AP4S1: variants seen among roughly 807,000 people sequenced by gnomAD.
The protein encoded by AP4S1 is adaptor related protein complex 4 subunit sigma 1.
A neutral mutation model predicts 19.8 loss-of-function variants in AP4S1; 23 were observed. The ratio of observed to expected loss-of-function variants is 1.16; its 90% CI spans 0.84 to 1.65. The LOEUF is 1.65. Ranked by LOEUF, AP4S1 falls within the 40% of genes most tolerant of loss-of-function variation. The pLI is 0.00. For synonymous variants in AP4S1, 46 were observed against 54.1 expected (o/e 0.85, Z 0.66); for missense variants, 166 against 172.8 (o/e 0.96, Z 0.22).
intron 1 of AP4S1, among the ~76,000 whole-genome samples, chr14:31,046,119 A>G (rs1212618127): frequency 6.6e-6 from 1 of 151,784 alleles, no homozygotes; most frequent in Admixed American, 6.6e-5. Context: ...TACCACGCCC[A>G]ACTAATTTTG....
chr14:31,079,343 C>T (rs1887518051), intron 4 of AP4S1, among the ~76,000 whole-genome samples: 1 of 151,958 alleles, frequency 6.6e-6, no homozygotes, highest in Non-Finnish European at 1.5e-5. Context: ...GAATGTACAA[C>T]AGTAGAGTGA....
intron 1 of AP4S1, among the ~76,000 whole-genome samples, chr14:31,036,286 T>G (rs1884771962): frequency 6.6e-6 from 1 of 151,800 alleles, no homozygotes; most frequent in Admixed American, 6.6e-5. Flanking sequence ...AGATGGGATC[T>G]CACCCAGGCT....
intron 5 of AP4S1, chr14:31,084,872 C>T (rs1420718718): frequency 2.5e-6 from 4 of 1,614,236 alleles, no homozygotes; most frequent in Non-Finnish European, 3.4e-6. Context: ...TCCACCACCC[C>T]CATCTACTGA....
At chr14:31,066,417 T>G in intron 2 of AP4S1, 83 bp downstream of exon 2, 1 of 1,563,250 alleles carries the variant, frequency 6.4e-7, no homozygotes. Flanking sequence ...GGGGCCATCA[T>G]TTTCTTTGAG....
At chr14:31,042,088 C>T (rs945423510) in intron 1 of AP4S1, among the ~76,000 whole-genome samples, 1 of 152,174 alleles carries the variant, frequency 6.6e-6, no homozygotes, top group African/African-American at 2.4e-5. Flanking sequence ...GCCTCAGCTT[C>T]CCAAAGTGCT....
chr14:31,055,351 C>T (rs1002273014), intron 1 of AP4S1, among the ~76,000 whole-genome samples: 1 of 152,220 alleles, frequency 6.6e-6, no homozygotes, highest in East Asian at 1.9e-4. Flanking sequence ...AGGGAAAAGA[C>T]AACATGTTAT....
At chr14:31,052,467 G>A (rs1885850328) in intron 1 of AP4S1, among the ~76,000 whole-genome samples, 1 of 151,772 alleles carries the variant, frequency 6.6e-6, no homozygotes, top group Non-Finnish European at 1.5e-5. Context: ...TCTCACACTT[G>A]TAATCCCAGC....
chr14:31,074,348 TAAATAAATAAATAAATA>T (rs1291033304), intron 4 of AP4S1, among the ~76,000 whole-genome samples: 2 of 130,920 alleles, frequency 1.5e-5, no homozygotes, highest in Non-Finnish European at 3.3e-5. Context: ...AATAAATAAA[TAAATAAATAAATAAATA>T]AAGTAAGCTG....
intron 1 of AP4S1, 107 bp downstream of exon 1, chr14:31,025,894 A>G: frequency 6.3e-7 from 1 of 1,597,536 alleles, no homozygotes; most frequent in East Asian, 2.3e-5. Context: ...CACCGACCCC[A>G]ACGAGGTACC....
intron 3 of AP4S1, among the ~76,000 whole-genome samples, chr14:31,072,527 C>T (rs1385044609): frequency 6.6e-6 from 1 of 152,146 alleles, no homozygotes; most frequent in African/African-American, 2.4e-5. Flanking sequence ...TGCACCACCA[C>T]ACCTGGCTAG....
chr14:31,030,554 G>C (rs928619628), intron 1 of AP4S1, among the ~76,000 whole-genome samples: 1 of 152,132 alleles, frequency 6.6e-6, no homozygotes, highest in Non-Finnish European at 1.5e-5. Context: ...TCACTGTATT[G>C]CCAGGGTTGA....
At position 31,053,601 on chromosome 14, in the gene AP4S1, T is replaced by C. The variant is rs1275440923; in HGVS notation, c.-71-12525T>C. Among the ~76,000 whole-genome samples the C allele has an allele frequency of 3.1e-3, 418 of 133,372 alleles. 3 individuals carry two copies. Among genetic ancestry groups the C allele is most frequent in the African/African-American group, 0.011 (382 of 35,448 alleles). The allele number at this position is 133,372 out of a possible 152,430, so 87.5% of individuals were successfully genotyped here. The stretch of plus-strand genomic sequence containing the variant: ...TAGTGACTTTTTTCTTTTTTTTTTT[T>C]TTTTTTTTTTTTTTTTTGTAGAGAC... On this transcript the variant is annotated intron_variant, in intron 1 of 5. Coordinates refer to ENST00000542754, the MANE Select transcript of AP4S1 (RefSeq NM_001128126.3).
At chr14:31,064,321 TC>T (rs1886600114) in intron 1 of AP4S1, among the ~76,000 whole-genome samples, 1 of 151,988 alleles carries the variant, frequency 6.6e-6, no homozygotes, top group African/African-American at 2.4e-5. Flanking sequence ...CAATCTCAGC[TC>T]ACTATCACCT....
chr14:31,050,385 T>C (rs1460157413), intron 1 of AP4S1, among the ~76,000 whole-genome samples: 1 of 152,072 alleles, frequency 6.6e-6, no homozygotes, highest in Admixed American at 6.6e-5. Context: ...TTACTTGGAG[T>C]GTTCTTCAGT....
chr14:31,034,032 A>G (rs1884574375), intron 1 of AP4S1, among the ~76,000 whole-genome samples: 2 of 152,218 alleles, frequency 1.3e-5, no homozygotes, highest in African/African-American at 4.8e-5. Context: ...CTGTAAACAT[A>G]AGAGCAAAAT....
chr14:31,031,906 A>G lies in AP4S1; in HGVS notation c.-72+6119A>G, dbSNP rs111547183. Among the ~76,000 whole-genome samples, 516 of 130,888 alleles carry G rather than the reference A, an allele frequency of 3.9e-3. 4 individuals are homozygous for G. Among genetic ancestry groups the G allele is most frequent in the African/African-American group, 0.015 (486 of 33,150 alleles). 85.9% of individuals were successfully genotyped at this position (130,888 alleles called of 152,430 possible). ...TTCAACAATGCCTATTTGCCAGCCT[A>G]TGCAACATGGGGAGACCCTGTCTCT... On this transcript the variant is annotated intron_variant, in intron 1 of 5. Coordinates refer to ENST00000542754, the MANE Select transcript of AP4S1 (RefSeq NM_001128126.3).
chr14:31,089,746 G>C (rs563374515), intron 5 of AP4S1, among the ~76,000 whole-genome samples: 1 of 151,992 alleles, frequency 6.6e-6, no homozygotes, highest in Admixed American at 6.5e-5. Flanking sequence ...GCAAAACCTC[G>C]TCTCTACTAA....
chr14:31,026,139 G>A, intron 1 of AP4S1: 1 of 1,494,710 alleles, frequency 6.7e-7, no homozygotes, highest in African/African-American at 1.5e-5. Flanking sequence ...CCGGGGAGGG[G>A]CCGCCATCCC....
Position 31,071,887 on chromosome 14 carries a change from AC to A in AP4S1, c.226-1017del, listed in dbSNP as rs376851983. 1.2e-3 allele frequency among the ~76,000 whole-genome samples: 175 copies of A among 148,884 alleles called. 4 individuals carry two copies. In the East Asian group the frequency reaches 0.03, roughly 25 times the overall value. On this transcript the variant is annotated intron_variant, in intron 3 of 5. Transcript: ENST00000542754. ...CACACCAAGATACCTGGATATTTTT[AC>A]TTTTATTTATTTATTTATTTATTTA...
Sources: allele counts gnomAD v4.1 joint callset (sites outside exome capture counted in the v4.1 genomes callset), GRCh38; gene constraint gnomAD v4.1.1; transcripts MANE v1.5; gene names NCBI Gene and HGNC (gene_info 2026-07-23, HGNC 2026-07-21).